The following KLF12 variants were observed in gnomAD, a reference collection of about 807,000 sequenced individuals.
KLF12 encodes the protein KLF transcription factor 12.
Under a neutral mutation model 37.8 loss-of-function variants are expected in KLF12, and 9 were observed. That is an observed-to-expected ratio of 0.24 (90% CI 0.14 to 0.42). The LOEUF (loss-of-function observed/expected upper bound fraction) is 0.42, where lower values mean the gene tolerates loss of function less well. KLF12 is among the 10% of genes least tolerant of loss of function. KLF12 has a pLI of 1.00. For missense variants in KLF12, 411 were observed against 516.0 expected (o/e 0.80, Z 1.97); for synonymous variants, 208 against 202.1 (o/e 1.03, Z -0.25).
the KLF12 span, among the ~76,000 whole-genome samples, chr13:74,228,067 A>G: frequency 6.6e-6 from 1 of 152,106 alleles, no homozygotes; most frequent in Non-Finnish European, 1.5e-5. Flanking sequence ...GAAATATAAG[A>G]TGTTATTTCT....
At chr13:74,191,575 T>A in the KLF12 span, among the ~76,000 whole-genome samples, 1 of 152,176 alleles carries the variant, frequency 6.6e-6, no homozygotes, top group Non-Finnish European at 1.5e-5. Context: ...AGGTCTCTTG[T>A]GACAAGGAAG....
chr13:74,200,462 G>T, the KLF12 span, among the ~76,000 whole-genome samples: 1 of 152,106 alleles, frequency 6.6e-6, no homozygotes, highest in Non-Finnish European at 1.5e-5. Context: ...TTTAAAGATG[G>T]AATCATCTGC....
chr13:73,811,706 G>A (rs7983836), intron 5 of KLF12, among the ~76,000 whole-genome samples: 57,507 of 151,812 alleles, frequency 0.38, 11,355 homozygotes, highest in Middle Eastern at 0.45. Flanking sequence ...GAAGTCACAC[G>A]GCTATTAAGA....
intron 6 of KLF12, among the ~76,000 whole-genome samples, chr13:73,736,416 T>C (rs1270988947): frequency 2.0e-5 from 3 of 152,202 alleles, no homozygotes; most frequent in African/African-American, 4.8e-5. Flanking sequence ...CAGCTACCTA[T>C]ATAAACTATA....
chr13:74,039,742 GAT>G, intron 1 of KLF12, among the ~76,000 whole-genome samples: 1 of 152,334 alleles, frequency 6.6e-6, no homozygotes, highest in Non-Finnish European at 1.5e-5. Flanking sequence ...TTAGGATAAA[GAT>G]AGAAATTCTT....
At chr13:73,799,662 A>G (rs1391649315) in intron 5 of KLF12, among the ~76,000 whole-genome samples, 4 of 152,142 alleles carry the variant, frequency 2.6e-5, no homozygotes, top group African/African-American at 9.6e-5. Flanking sequence ...AAGATGACAG[A>G]AGGATATTTT....
intron 3 of KLF12, among the ~76,000 whole-genome samples, chr13:73,850,055 T>A (rs568652124): frequency 2.0e-5 from 3 of 152,220 alleles, no homozygotes; most frequent in Non-Finnish European, 4.4e-5. Context: ...CTTAAATTTT[T>A]ATAATACATA....
At chr13:73,819,508 C>T (rs1883409037) in intron 4 of KLF12, among the ~76,000 whole-genome samples, 1 of 152,170 alleles carries the variant, frequency 6.6e-6, no homozygotes, top group Non-Finnish European at 1.5e-5. Flanking sequence ...TACTTATTTA[C>T]ATCATTTATG....
intron 6 of KLF12, among the ~76,000 whole-genome samples, chr13:73,757,059 T>C (rs1879218174): frequency 1.3e-5 from 2 of 152,178 alleles, no homozygotes; most frequent in African/African-American, 4.8e-5. Flanking sequence ...ATTATTTGGG[T>C]GATGGATACT....
At chr13:74,136,383 G>C (rs1010795178), upstream of KLF12, among the ~76,000 whole-genome samples, 40 of 152,220 alleles carry the variant, frequency 2.6e-4, no homozygotes, top group Non-Finnish European at 1.5e-4. Context: ...AGTTTGAAAA[G>C]CAGCAGAATA....
chr13:74,062,091 T>G (rs1187125150), intron 1 of KLF12, among the ~76,000 whole-genome samples: 1 of 152,188 alleles, frequency 6.6e-6, no homozygotes, highest in Non-Finnish European at 1.5e-5. Context: ...TTCCTGTCTC[T>G]GGCTTCTCAT....
the KLF12 span, among the ~76,000 whole-genome samples, chr13:74,261,643 AGT>A: frequency 2.0e-5 from 3 of 152,256 alleles, no homozygotes; most frequent in Non-Finnish European, 4.4e-5. Context: ...TTTAGATTTT[AGT>A]GTCTTTTGAC....
intron 1 of KLF12, among the ~76,000 whole-genome samples, chr13:74,005,427 G>A (rs1024717132): frequency 6.6e-6 from 1 of 152,102 alleles, no homozygotes; most frequent in African/African-American, 2.4e-5. Context: ...AAAAGACATC[G>A]TATAACATAT....
chr13:74,267,293 C>A, the KLF12 span, among the ~76,000 whole-genome samples: 1 of 152,166 alleles, frequency 6.6e-6, no homozygotes, highest in African/African-American at 2.4e-5. Context: ...CTAAATCCAT[C>A]AAAATGTATC....
At chr13:74,034,469 A>G (rs774854560) in intron 1 of KLF12, among the ~76,000 whole-genome samples, 6 of 152,192 alleles carry the variant, frequency 3.9e-5, no homozygotes, top group Non-Finnish European at 8.8e-5. Context: ...TTCATGAAAA[A>G]TATTTTCACT....
intron 3 of KLF12, among the ~76,000 whole-genome samples, chr13:73,868,360 C>T (rs571111095): frequency 6.8e-6 from 1 of 146,636 alleles, no homozygotes; most frequent in African/African-American, 2.5e-5. Context: ...ACAAAGCCTA[C>T]AGACATTATA....
intron 1 of KLF12, among the ~76,000 whole-genome samples, chr13:74,022,639 G>A (rs1364906718): frequency 6.7e-6 from 1 of 148,630 alleles, no homozygotes; most frequent in Admixed American, 6.8e-5. Flanking sequence ...ATGCAATGGT[G>A]CAGAAAATAG....
intron 2 of KLF12, among the ~76,000 whole-genome samples, chr13:73,973,555 C>A (rs1593796308): frequency 1.3e-5 from 2 of 152,076 alleles, no homozygotes; most frequent in African/African-American, 2.4e-5. Flanking sequence ...GATATAATAA[C>A]CAATTCTCAA....
intron 6 of KLF12, among the ~76,000 whole-genome samples, chr13:73,746,774 C>A (rs553395332): frequency 6.7e-6 from 1 of 149,086 alleles, no homozygotes; most frequent in South Asian, 2.1e-4. Context: ...GAAGAATTAG[C>A]ATATTTCAGT....
Sources: gnomAD v4.1 joint callset for allele counts (sites outside exome capture counted in the v4.1 genomes callset) on GRCh38, gnomAD v4.1.1 for gene constraint, MANE v1.5 for transcripts, NCBI Gene and HGNC (gene_info 2026-07-23, HGNC 2026-07-21) for gene names.